Variants in GALNT13 observed in about 807,000 individuals in gnomAD.
GALNT13 encodes UDP-GalNAc:polypeptide N-acetylgalactosaminyltransferase 13.
In GALNT13, 28 loss-of-function variants were observed where a neutral mutation model predicts 64.2. That is an observed-to-expected ratio of 0.44 (90% confidence interval 0.32 to 0.60). The LOEUF (loss-of-function observed/expected upper bound fraction) is 0.60. Ranked by LOEUF, GALNT13 falls within the 20% of genes least tolerant of loss-of-function variation. The pLI is 0.05. For synonymous variants in GALNT13, 214 were observed against 224.6 expected, an observed-to-expected ratio of 0.95 and a Z score of 0.42; for missense variants, 577 against 669.8, an observed-to-expected ratio of 0.86 and a Z score of 1.53.
At chr2:153,556,804 C>G in the GALNT13 span, among the ~76,000 whole-genome samples, 8 of 152,190 alleles carry the variant, frequency 5.3e-5, no homozygotes, top group African/African-American at 1.4e-4. Context: ...AGGCCCTGTT[C>G]TCTGCTGGAT....
chr2:154,421,748 T>A (rs1700263117), intron 11 of GALNT13, among the ~76,000 whole-genome samples: 1 of 152,056 alleles, frequency 6.6e-6, no homozygotes, highest in African/African-American at 2.4e-5. Context: ...ATGAAATGGG[T>A]TTTTTCTTTT....
chr2:154,391,860 GA>G (rs1173613081), intron 9 of GALNT13, among the ~76,000 whole-genome samples: 1 of 151,978 alleles, frequency 6.6e-6, no homozygotes, highest in Non-Finnish European at 1.5e-5. Flanking sequence ...AAGTGCCATG[GA>G]AAAAAATTAA....
At chr2:153,274,848 T>C in the GALNT13 span, among the ~76,000 whole-genome samples, 1 of 152,238 alleles carries the variant, frequency 6.6e-6, no homozygotes, top group South Asian at 2.1e-4. Context: ...TTTGTAGAAG[T>C]AGGGTTCTTC....
At chr2:153,596,656 G>A in the GALNT13 span, among the ~76,000 whole-genome samples, 1 of 151,896 alleles carries the variant, frequency 6.6e-6, no homozygotes, top group African/African-American at 2.4e-5. Flanking sequence ...TTTTTAACAT[G>A]ACAGGATTAG....
the GALNT13 span, among the ~76,000 whole-genome samples, chr2:153,295,772 A>C: frequency 1.7e-4 from 26 of 152,182 alleles, no homozygotes; most frequent in Admixed American, 2.6e-4. Context: ...TTCCAGACAT[A>C]CTGGATCAGG....
chr2:153,558,935 A>G, the GALNT13 span, among the ~76,000 whole-genome samples: 1 of 152,214 alleles, frequency 6.6e-6, no homozygotes, highest in African/African-American at 2.4e-5. Flanking sequence ...TGCAAAAATA[A>G]GATATGGCAG....
At chr2:153,365,014 A>C in the GALNT13 span, among the ~76,000 whole-genome samples, 26 of 152,322 alleles carry the variant, frequency 1.7e-4, no homozygotes, top group African/African-American at 6.0e-4. Flanking sequence ...ACAGTAACCA[A>C]AACAGCATGG....
At chr2:154,269,892 A>G (rs1167799841) in intron 8 of GALNT13, among the ~76,000 whole-genome samples, 1 of 106,740 alleles carries the variant, frequency 9.4e-6, no homozygotes, top group African/African-American at 3.2e-5. Flanking sequence ...TCATATATAT[A>G]TTTATATATA....
At chr2:153,718,331 A>G in the GALNT13 span, among the ~76,000 whole-genome samples, 1 of 152,014 alleles carries the variant, frequency 6.6e-6, no homozygotes, top group Non-Finnish European at 1.5e-5. Context: ...AGGTAGTGAA[A>G]TTTGTCTTGG....
chr2:153,414,171 C>G, the GALNT13 span, among the ~76,000 whole-genome samples: 1 of 151,992 alleles, frequency 6.6e-6, no homozygotes, highest in African/African-American at 2.4e-5. Context: ...GTCAGGAGTT[C>G]AAGACCAGCC....
At chr2:153,612,162 T>C in the GALNT13 span, among the ~76,000 whole-genome samples, 1 of 152,066 alleles carries the variant, frequency 6.6e-6, no homozygotes, top group Admixed American at 6.6e-5. Context: ...CCAGTTAGAA[T>C]GGTGATCATT....
the GALNT13 span, among the ~76,000 whole-genome samples, chr2:153,598,611 A>G: frequency 6.6e-6 from 1 of 152,052 alleles, no homozygotes; most frequent in African/African-American, 2.4e-5. Flanking sequence ...AACAATATCT[A>G]CAGCTCCTGC....
intron 2 of GALNT13, among the ~76,000 whole-genome samples, chr2:153,938,533 A>AG (rs1322277096): frequency 6.6e-6 from 1 of 152,194 alleles, no homozygotes; most frequent in African/African-American, 2.4e-5. Flanking sequence ...AGTGGAGTAT[A>AG]GGAAAGTGAA....
downstream of GALNT13, among the ~76,000 whole-genome samples, chr2:154,455,792 A>G (rs989977492): frequency 6.6e-6 from 1 of 152,196 alleles, no homozygotes; most frequent in South Asian, 2.1e-4. Context: ...ATTTGTTTTA[A>G]AAGAAAAATC....
the GALNT13 span, among the ~76,000 whole-genome samples, chr2:153,750,167 G>T: frequency 6.6e-6 from 1 of 151,820 alleles, no homozygotes; most frequent in African/African-American, 2.4e-5. Context: ...TTGCATTACA[G>T]AAATAATCCC....
chr2:153,112,364 A>G, the GALNT13 span, among the ~76,000 whole-genome samples: 501 of 152,206 alleles, frequency 3.3e-3, 3 homozygotes, highest in African/African-American at 0.011. Context: ...ATCAGTGCCT[A>G]TGACTGGGTG....
the GALNT13 span, among the ~76,000 whole-genome samples, chr2:153,542,427 G>A: frequency 6.6e-6 from 1 of 152,144 alleles, no homozygotes; most frequent in East Asian, 1.9e-4. Context: ...AGAGATTTAA[G>A]TATAGAATGG....
At chr2:154,191,056 G>A (rs1042744904) in intron 4 of GALNT13, among the ~76,000 whole-genome samples, 4 of 152,048 alleles carry the variant, frequency 2.6e-5, no homozygotes, top group African/African-American at 7.2e-5. Context: ...CCTTAACATC[G>A]TAAAATATTC....
At chr2:154,264,793 GAAA>G (rs34673909) in intron 8 of GALNT13, among the ~76,000 whole-genome samples, 80 of 140,328 alleles carry the variant, frequency 5.7e-4, no homozygotes, top group East Asian at 1.4e-3. Context: ...TATCAGAAAA[GAAA>G]AAAAAAAAAA....
Sources: gnomAD v4.1 joint callset for allele counts (sites outside exome capture counted in the v4.1 genomes callset) on GRCh38, gnomAD v4.1.1 for gene constraint, MANE v1.5 for transcripts, NCBI Gene and HGNC (gene_info 2026-07-23, HGNC 2026-07-21) for gene names.